The following HDAC9 variants were observed in gnomAD, a reference collection of about 807,000 sequenced individuals.
The protein encoded by HDAC9 is histone deacetylase 9, also known as MEF-2 interacting transcription repressor (MITR) protein.
A neutral mutation model predicts 139.4 loss-of-function variants in HDAC9; 41 were observed. That is an observed-to-expected ratio of 0.29 (90% CI 0.23 to 0.38). The LOEUF is 0.38. Ranked by LOEUF, HDAC9 falls within the 10% of genes least tolerant of loss-of-function variation. The pLI, the probability that HDAC9 is intolerant of heterozygous loss-of-function variation, is 1.00. For synonymous variants in HDAC9, 517 were observed against 476.2 expected, an observed-to-expected ratio of 1.09 and a Z score of -1.12; for missense variants, 1,147 against 1,297.0, an observed-to-expected ratio of 0.88 and a Z score of 1.78.
intron 14 of HDAC9, among the ~76,000 whole-genome samples, chr7:18,757,765 C>G (rs1789010279): frequency 6.6e-6 from 1 of 151,946 alleles, no homozygotes; most frequent in East Asian, 1.9e-4. Context: ...TGTGGGTAGG[C>G]TGCATTTTAT....
chr7:18,918,909 G>A (rs1422982534), intron 22 of HDAC9, among the ~76,000 whole-genome samples: 3 of 151,960 alleles, frequency 2.0e-5, no homozygotes, highest in Non-Finnish European at 2.9e-5. Context: ...CTCATATTTA[G>A]TTCTCTGGTT....
chr7:18,805,422 G>C (rs1469059008), intron 17 of HDAC9, among the ~76,000 whole-genome samples: 1 of 152,216 alleles, frequency 6.6e-6, no homozygotes, highest in African/African-American at 2.4e-5. Flanking sequence ...GATAAGTGGA[G>C]AGCTGGCTGA....
At chr7:18,727,455 C>A in intron 12 of HDAC9, 125 bp from the exon 13 acceptor site, 4 of 690,144 alleles carry the variant, frequency 5.8e-6, no homozygotes, top group Non-Finnish European at 9.0e-6. Context: ...TTTTTTTTTT[C>A]TTTTTCCTTC....
intron 17 of HDAC9, among the ~76,000 whole-genome samples, chr7:18,822,564 A>G (rs549178650): frequency 6.6e-6 from 1 of 152,174 alleles, no homozygotes; most frequent in African/African-American, 2.4e-5. Context: ...CACATTGGCC[A>G]GGCTGTCTTG....
chr7:18,313,124 C>T (rs1409972592), intron 1 of HDAC9, among the ~76,000 whole-genome samples: 1 of 152,080 alleles, frequency 6.6e-6, no homozygotes, highest in Non-Finnish European at 1.5e-5. Flanking sequence ...ACGAAGAAAA[C>T]ATTTCTTCAT....
intron 2 of HDAC9, among the ~76,000 whole-genome samples, chr7:18,166,243 A>G (rs1255497187): frequency 6.6e-6 from 1 of 152,160 alleles, no homozygotes; most frequent in Non-Finnish European, 1.5e-5. Context: ...GCTGTGTTGC[A>G]AAGTCCTGTA....
rs147621243 is a variant in HDAC9 at position 18,838,418 on chromosome 7, G to T, written c.2684+2421G>T. On this transcript the variant is annotated intron_variant, in intron 21 of 25. Coordinates refer to ENST00000686413, the MANE Select transcript of HDAC9 (RefSeq NM_178425.4). ...GGGAGAAGAGGAGTTGGAGTCGGGG[G>T]TATTCATACTGACTGGGCAGAGAGA... Among the ~76,000 whole-genome samples the T allele has an allele frequency of 1.5e-3, 227 of 152,090 alleles. 5 individuals are homozygous for T. In the East Asian group the frequency reaches 0.041, roughly 27 times the overall value.
intron 6 of HDAC9, among the ~76,000 whole-genome samples, chr7:18,595,324 C>T (rs976605906): frequency 2.0e-5 from 3 of 150,194 alleles, no homozygotes; most frequent in South Asian, 4.2e-4. Flanking sequence ...CATCAGAATT[C>T]CACCCTATTA....
At chr7:18,753,720 C>T (rs1296856827) in intron 14 of HDAC9, among the ~76,000 whole-genome samples, 1 of 152,098 alleles carries the variant, frequency 6.6e-6, no homozygotes, top group Admixed American at 6.6e-5. Flanking sequence ...TGTATTCTCT[C>T]AAAGATGATC....
intron 2 of HDAC9, among the ~76,000 whole-genome samples, chr7:18,162,851 C>T (rs2128127836): frequency 6.6e-6 from 1 of 152,250 alleles, no homozygotes. Flanking sequence ...AATCTCAGCA[C>T]CTGCTTCCTC....
intron 12 of HDAC9, among the ~76,000 whole-genome samples, chr7:18,716,438 C>A (rs1426447115): frequency 6.6e-6 from 1 of 151,996 alleles, no homozygotes; most frequent in Admixed American, 6.6e-5. Flanking sequence ...AATATAGTTT[C>A]TTTTGTATTT....
intron 24 of HDAC9, among the ~76,000 whole-genome samples, chr7:18,971,269 A>G (rs565757975): frequency 6.6e-6 from 1 of 152,360 alleles, no homozygotes; most frequent in African/African-American, 2.4e-5. Context: ...CATAGTGGGA[A>G]AAATGAATAA....
chr7:18,468,587 G>A (rs1482204056), intron 1 of HDAC9, among the ~76,000 whole-genome samples: 1 of 152,084 alleles, frequency 6.6e-6, no homozygotes, highest in East Asian at 1.9e-4. Flanking sequence ...TAGACTACAG[G>A]CACGTGTCTC....
intron 1 of HDAC9, among the ~76,000 whole-genome samples, chr7:18,449,340 T>G (rs117517456): frequency 0.033 from 5,003 of 152,236 alleles, 92 homozygotes; most frequent in Non-Finnish European, 0.054. Flanking sequence ...ACCTTACAAA[T>G]ATAATACTGA....
rs1287483430 is a variant in HDAC9 at position 18,419,552 on chromosome 7, A to G, written c.-41-76710A>G. ...TATTTCTCTCCAGACGCTATTCACA[A>G]TCTCCAAAGAGGAGAAACGACTCTA... On this transcript the variant is annotated intron_variant, in intron 1 of 3. Transcript: ENST00000413509. Among the ~76,000 whole-genome samples, 6 of 152,068 alleles carry G rather than the reference A, an allele frequency of 3.9e-5. No individual in the cohort carries two copies. In the South Asian group the frequency reaches 6.2e-4, roughly 16 times the overall value.
intron 9 of HDAC9, among the ~76,000 whole-genome samples, chr7:18,645,623 G>A (rs536951213): frequency 1.3e-5 from 2 of 152,250 alleles, no homozygotes; most frequent in South Asian, 4.1e-4. Flanking sequence ...CATATTCCCT[G>A]AAACAGTGTC....
chr7:18,334,483 C>G (rs183521670), intron 1 of HDAC9, among the ~76,000 whole-genome samples: 11 of 151,460 alleles, frequency 7.3e-5, no homozygotes, highest in African/African-American at 2.7e-4. Context: ...GTATCTCAAT[C>G]TATTTCATAA....
intron 1 of HDAC9, among the ~76,000 whole-genome samples, chr7:18,443,780 T>TTCTC (rs139272150): frequency 0.035 from 5,324 of 151,916 alleles, 116 homozygotes; most frequent in African/African-American, 0.067. Flanking sequence ...ATTATGTTCT[T>TTCTC]TCTCTCCCTC....
intron 1 of HDAC9, among the ~76,000 whole-genome samples, chr7:18,123,192 A>G (rs1207141715): frequency 6.6e-6 from 1 of 152,174 alleles, no homozygotes; most frequent in East Asian, 1.9e-4. Flanking sequence ...GCAAGTTGGT[A>G]CTGCAAGAGG....
Sources: allele counts gnomAD v4.1 joint callset (sites outside exome capture counted in the v4.1 genomes callset), GRCh38; gene constraint gnomAD v4.1.1; transcripts MANE v1.5; gene names NCBI Gene and HGNC (gene_info 2026-07-23, HGNC 2026-07-21).